The following ZNF131 variants were observed in gnomAD, a reference collection of about 807,000 sequenced individuals.
ZNF131 encodes zinc finger protein 131.
Under a neutral mutation model 60.0 loss-of-function variants are expected in ZNF131, and 7 were observed. The observed-to-expected ratio is 0.12, with a 90% CI of 0.07 to 0.22. The LOEUF (loss-of-function observed/expected upper bound fraction) is 0.22. ZNF131 is among the 10% of genes least tolerant of loss of function. The probability of loss-of-function intolerance (pLI) is 1.00; values close to 1 mark genes in which losing one functional copy is unlikely to be tolerated. For synonymous variants in ZNF131, 257 were observed against 253.2 expected (o/e 1.01, Z -0.14); for missense variants, 493 against 740.9 (o/e 0.67, Z 3.88).
At position 43,174,884 on chromosome 5, in the gene ZNF131, G is replaced by C; in HGVS notation, c.1623G>C (p.Glu541Asp). 6.2e-7 allele frequency: 1 copy of C among 1,614,168 alleles called. No homozygotes were observed. The highest frequency in any genetic ancestry group is 8.5e-7 in the Non-Finnish European group (1 of 1,180,042). The change falls in exon 7 of 7, where the codon GAG becomes GAC. Residue 541 changes from glutamate (E) to aspartate (D), a missense_variant. Coordinates refer to ENST00000682664, the MANE Select transcript of ZNF131 (RefSeq NM_001330707.2). ...AAGAAGGTACTGAAGTACATGTAGA[G>C]GAGCTGCATGTTGAACGGGTCAATC... is the stretch of plus-strand genomic sequence containing the variant. ...QTEEGTEVHV[E>D]ELHVERVNQM...
Position 43,156,189 on chromosome 5 carries a change from C to T in ZNF131, c.372-5060C>T, listed in dbSNP as rs1038657857. 5.3e-4 allele frequency among the ~76,000 whole-genome samples: 80 copies of T among 152,298 alleles called. 1 individual carries two copies. The highest frequency in any genetic ancestry group is 1.9e-3 in the African/African-American group (79 of 41,558). ...CAGCCGTACCACAAGGTCAGGATAGCGTCCCTTTCCTGCTGTGAACCATGC... is the reference window on the plus strand; with the variant it reads ...CAGCCGTACCACAAGGTCAGGATAGTGTCCCTTTCCTGCTGTGAACCATGC... On this transcript the variant is annotated intron_variant, in intron 4 of 6. Coordinates refer to ENST00000682664, the MANE Select transcript of ZNF131 (RefSeq NM_001330707.2).
intron 4 of ZNF131, 114 bp downstream of exon 4, chr5:43,139,423 T>G: frequency 8.9e-7 from 1 of 1,120,038 alleles, no homozygotes; most frequent in Non-Finnish European, 1.2e-6. Context: ...TCAGAAGAAT[T>G]AAGAATATTT....
At chr5:43,152,040 C>G (rs1019454992) in intron 4 of ZNF131, among the ~76,000 whole-genome samples, 14 of 151,766 alleles carry the variant, frequency 9.2e-5, no homozygotes, top group Admixed American at 7.9e-4. Context: ...GAGTCCCGCT[C>G]TGTCGCCCAG....
chr5:43,175,681 C>T lies in ZNF131; in HGVS notation c.*548C>T, dbSNP rs1469427618. 8 of 326,958 alleles carry T rather than the reference C, an allele frequency of 2.4e-5. No homozygotes were observed. The East Asian group carries it at 4.3e-4, about 18-fold the overall frequency. 20.3% of individuals were successfully genotyped at this position (326,958 alleles called of 1,614,324 possible). A position where few individuals can be genotyped will look rare whatever the true frequency, so the allele number is the denominator to read the frequency against. The stretch of plus-strand genomic sequence containing the variant: ...CCAGTAGTCACAGATGCCATCTTTG[C>T]AACAGAAAGAGTGGTGGTGGCAAAA... On this transcript the variant is annotated 3_prime_UTR_variant, in exon 7 of 7. Transcript: ENST00000682664.
intron 4 of ZNF131, among the ~76,000 whole-genome samples, chr5:43,156,422 A>G (rs945558301): frequency 6.6e-6 from 1 of 152,228 alleles, no homozygotes; most frequent in African/African-American, 2.4e-5. Context: ...TCTTTCTCCT[A>G]AAAGCACTGA....
intron 4 of ZNF131, among the ~76,000 whole-genome samples, chr5:43,154,209 T>C (rs539705026): frequency 3.3e-5 from 5 of 152,024 alleles, no homozygotes; most frequent in African/African-American, 1.2e-4. Flanking sequence ...GTCAGGAGTT[T>C]GAGACCAGTC....
chr5:43,172,250 G>A (rs1751083141), intron 5 of ZNF131, among the ~76,000 whole-genome samples: 1 of 152,150 alleles, frequency 6.6e-6, no homozygotes, highest in African/African-American at 2.4e-5. Context: ...GTGTTTCACT[G>A]GGTTCTGCCC....
At position 43,134,698 on chromosome 5, in the gene ZNF131, T is replaced by TTC. The variant is rs1224756775; in HGVS notation, c.227-4466_227-4465insCT. On this transcript the variant is annotated intron_variant, in intron 3 of 6. Coordinates refer to ENST00000682664, the MANE Select transcript of ZNF131 (RefSeq NM_001330707.2). ...TCAGTTGCTTTTCTTTTTTTCTTTT[T>TTC]TTTTTTTTTTTTTTTTTGGGAGACA... 6.6e-5 allele frequency among the ~76,000 whole-genome samples: 9 copies of TTC among 137,044 alleles called. No homozygotes were observed. In the Admixed American group the frequency reaches 6.6e-4, roughly 10 times the overall value. 89.9% of individuals were successfully genotyped at this position (137,044 alleles called of 152,430 possible). A position where few individuals can be genotyped will look rare whatever the true frequency, so the allele number is the denominator to read the frequency against.
intron 5 of ZNF131, among the ~76,000 whole-genome samples, chr5:43,170,361 G>T (rs976730119): frequency 7.2e-5 from 11 of 152,214 alleles, no homozygotes; most frequent in African/African-American, 2.4e-4. Context: ...CTATTTAAGC[G>T]TGAGGCTCAC....
chr5:43,133,208 C>T (rs1411581786), intron 3 of ZNF131, among the ~76,000 whole-genome samples: 6 of 152,038 alleles, frequency 3.9e-5, no homozygotes, highest in Non-Finnish European at 8.8e-5. Context: ...GCTCACACCT[C>T]TAATCCCAGC....
chr5:43,169,302 A>G (rs1294142789), intron 5 of ZNF131, among the ~76,000 whole-genome samples: 1 of 152,196 alleles, frequency 6.6e-6, no homozygotes, highest in African/African-American at 2.4e-5. Context: ...TAAAATAATT[A>G]ATATGTTTCT....
In ZNF131 at chr5:43,175,191, C is replaced by G; in HGVS notation, c.*58C>G. The G allele has an allele frequency of 6.7e-7, 1 of 1,481,520 alleles. No individual in the cohort carries two copies. 91.8% of individuals were successfully genotyped at this position (1,481,520 alleles called of 1,614,324 possible). On this transcript the variant is annotated 3_prime_UTR_variant, in exon 7 of 7. Coordinates refer to ENST00000682664, the MANE Select transcript of ZNF131 (RefSeq NM_001330707.2). ...GTTGGGTTTTTGAACTGATTATGGG[C>G]AGTTTGACTGTCCTTAATTAAGCCT...
chr5:43,130,043 A>C (rs1394170586), intron 3 of ZNF131, among the ~76,000 whole-genome samples: 1 of 151,354 alleles, frequency 6.6e-6, no homozygotes, highest in Admixed American at 6.6e-5. Context: ...AGGTGGGCAG[A>C]TTGCCTGAGC....
At chr5:43,134,323 C>T (rs1315400767) in intron 3 of ZNF131, among the ~76,000 whole-genome samples, 1 of 152,120 alleles carries the variant, frequency 6.6e-6, no homozygotes, top group Non-Finnish European at 1.5e-5. Context: ...AAATTTAATA[C>T]CCTTTCTCAG....
At chr5:43,137,393 G>T in intron 3 of ZNF131, among the ~76,000 whole-genome samples, 1 of 152,034 alleles carries the variant, frequency 6.6e-6, no homozygotes, top group Non-Finnish European at 1.5e-5. Context: ...CAGTCTAAAT[G>T]ATGCAGAAAA....
At position 43,174,522 on chromosome 5, in the gene ZNF131, C is replaced by A; in HGVS notation, c.1261C>A (p.His421Asn). 6.3e-7 allele frequency: 1 copy of A among 1,584,846 alleles called. No homozygotes were observed. Among genetic ancestry groups the A allele is most frequent in the Non-Finnish European group, 8.6e-7 (1 of 1,165,114 alleles). The change falls in exon 7 of 7, where the codon CAT becomes AAT. Residue 421 changes from histidine to asparagine, a missense_variant. By Grantham distance (68) the His-to-Asn change is moderately conservative. This residue lies in a region of ZNF131 where 33 missense variants were observed against 67.9 expected (regional missense o/e 0.49). Coordinates refer to ENST00000682664, the MANE Select transcript of ZNF131 (RefSeq NM_001330707.2). ...AATACACACTGGAGATAAACCCAAC[C>A]ATTGTACTTTATGTGATTTGTGGTT... The part of the protein sequence containing the change: ...LVIHTGDKPN[H>N]CTLCDLWFMQ...
At chr5:43,162,969 C>CATTTTTTTTTTTT (rs1307807115) in intron 5 of ZNF131, among the ~76,000 whole-genome samples, 1 of 64,908 alleles carries the variant, frequency 1.5e-5, no homozygotes, top group East Asian at 6.1e-4. Context: ...TTTTATTTGC[C>CATTTTTTTTTTTT]TTTTTTTTTT....
intron 4 of ZNF131, among the ~76,000 whole-genome samples, chr5:43,160,235 G>A (rs1749510835): frequency 6.6e-6 from 1 of 151,408 alleles, no homozygotes; most frequent in Non-Finnish European, 1.5e-5. Context: ...GGGCACAGTA[G>A]CTCATGTCTG....
chr5:43,121,763 C>G (rs1316290917), intron 1 of ZNF131: 1 of 226,576 alleles, frequency 4.4e-6, no homozygotes, highest in African/African-American at 2.3e-5. Context: ...CTTGCGCGCC[C>G]TGGCGCTCGG....
Sources: allele counts gnomAD v4.1 joint callset (sites outside exome capture counted in the v4.1 genomes callset), GRCh38; gene constraint gnomAD v4.1.1; regional missense constraint gnomAD v4.1.1; transcripts MANE v1.5; gene names NCBI Gene and HGNC (gene_info 2026-07-23, HGNC 2026-07-21).